The following ZNF138 variants were observed in gnomAD, a reference collection of about 807,000 sequenced individuals.
ZNF138 encodes zinc finger protein 138 (clone pHZ-32).
A neutral mutation model predicts 33.0 loss-of-function variants in ZNF138; 33 were observed. That is an observed-to-expected ratio of 1.00 (90% CI 0.76 to 1.34). ZNF138 has a LOEUF of 1.34. ZNF138 is among the 40% of genes most tolerant of loss of function. The probability of loss-of-function intolerance (pLI) is 0.00; values close to 1 mark genes in which losing one functional copy is unlikely to be tolerated. For synonymous variants in ZNF138, 139 were observed against 120.4 expected, an observed-to-expected ratio of 1.15 and a Z score of -1.01; for missense variants, 360 against 370.8, an observed-to-expected ratio of 0.97 and a Z score of 0.24.
the ZNF138 span, among the ~76,000 whole-genome samples, chr7:64,853,716 A>G: frequency 6.6e-6 from 1 of 151,742 alleles, no homozygotes. Context: ...GCATATACAT[A>G]TCATATTAAT....
chr7:64,838,961 GA>G, the ZNF138 span, among the ~76,000 whole-genome samples: 1 of 152,114 alleles, frequency 6.6e-6, no homozygotes. Context: ...GAGAGACTAA[GA>G]TGGGGGCCGT....
At chr7:64,803,259 T>TTTTTG (rs1787298836) in intron 1 of ZNF138, among the ~76,000 whole-genome samples, 3 of 50,934 alleles carry the variant, frequency 5.9e-5, no homozygotes, top group Non-Finnish European at 1.5e-4. Context: ...TTGGCAAAGG[T>TTTTTG]TTTTTTTTTT....
intron 1 of ZNF138, among the ~76,000 whole-genome samples, chr7:64,813,534 C>T (rs1296764842): frequency 2.0e-5 from 3 of 151,354 alleles, no homozygotes; most frequent in Non-Finnish European, 4.4e-5. Context: ...CCCGGGTTGA[C>T]GCCATTCTCC....
chr7:64,821,077 T>G (rs1343270688), intron 3 of ZNF138, among the ~76,000 whole-genome samples: 1 of 150,378 alleles, frequency 6.6e-6, no homozygotes, highest in Admixed American at 6.6e-5. Context: ...TTTGTTTTGT[T>G]TTTTGTTTGT....
the ZNF138 span, among the ~76,000 whole-genome samples, chr7:64,840,825 A>G: frequency 6.6e-6 from 1 of 152,142 alleles, no homozygotes; most frequent in Non-Finnish European, 1.5e-5. Flanking sequence ...CTATGCACGT[A>G]TGTTACTCTA....
chr7:64,821,410 A>G (rs1308116474), intron 3 of ZNF138, among the ~76,000 whole-genome samples: 2 of 151,140 alleles, frequency 1.3e-5, no homozygotes, highest in East Asian at 1.9e-4. Context: ...TTTTTATTGT[A>G]ATTATTATGC....
rs762789627 is a variant in ZNF138 at position 64,814,934 on chromosome 7, T to C, written c.20T>C (p.Met7Thr). MGPLTFMDVAIEFSLEE... is the reference protein window; with the variant it reads MGPLTFTDVAIEFSLEE... ...GTTTTTCAGGGACCACTGACATTTA[T>C]GGATGTGGCCATAGAGTTCTCTTTG... The change falls in exon 2 of 4, where the codon ATG becomes ACG. Residue 7 changes from methionine to threonine, a missense_variant. Coordinates refer to ENST00000307355, the MANE Select transcript of ZNF138 (RefSeq NM_001271639.2). 7.4e-5 allele frequency: 119 copies of C among 1,613,072 alleles called. No individual in the cohort carries two copies. Among genetic ancestry groups the C allele is most frequent in the Non-Finnish European group, 8.8e-5 (104 of 1,179,424 alleles).
the ZNF138 span, among the ~76,000 whole-genome samples, chr7:64,848,940 G>T: frequency 2.0e-5 from 3 of 152,004 alleles, no homozygotes; most frequent in African/African-American, 7.2e-5. Flanking sequence ...TCCTGACCTC[G>T]TGATCTGCCC....
the ZNF138 span, chr7:64,853,333 T>G: frequency 1.3e-6 from 2 of 1,596,052 alleles, no homozygotes; most frequent in Non-Finnish European, 1.7e-6. Context: ...CTTTCCGGGT[T>G]AAAGGACTCC....
chr7:64,839,037 T>C, the ZNF138 span, among the ~76,000 whole-genome samples: 150,013 of 152,236 alleles, frequency 0.99, 73,952 homozygotes, highest in East Asian at 1. Flanking sequence ...GAGGGACTTG[T>C]GCCAGCGAAA....
the ZNF138 span, among the ~76,000 whole-genome samples, chr7:64,839,461 G>A: frequency 3.3e-5 from 5 of 152,110 alleles, no homozygotes; most frequent in Non-Finnish European, 2.9e-5. Context: ...AGACGTCTCT[G>A]AGTCGTCAAT....
chr7:64,799,239 T>C (rs1786948915), intron 1 of ZNF138, among the ~76,000 whole-genome samples: 1 of 152,066 alleles, frequency 6.6e-6, no homozygotes, highest in Non-Finnish European at 1.5e-5. Flanking sequence ...CGATCTCGGC[T>C]CACCGCAACC....
At position 64,832,751 on chromosome 7, in the gene ZNF138, C is replaced by A; in HGVS notation, c.*549C>A. The A allele has an allele frequency of 2.2e-6, 1 of 455,186 alleles. No individual in the cohort carries two copies. The highest frequency in any genetic ancestry group is 1.7e-5 in the South Asian group (1 of 58,464). The allele number at this position is 455,186 out of a possible 1,614,324, so 28.2% of individuals were successfully genotyped here. ...TCATTCATACTGGAGAGAAACCTTA[C>A]AAATGTGAGGAATGTGGCAAAGGTT... is the stretch of plus-strand genomic sequence containing the variant. On this transcript the variant is annotated 3_prime_UTR_variant, in exon 4 of 4. Transcript: ENST00000307355.
intron 1 of ZNF138, among the ~76,000 whole-genome samples, chr7:64,807,675 A>G (rs1787721149): frequency 6.6e-6 from 1 of 152,220 alleles, no homozygotes; most frequent in African/African-American, 2.4e-5. Context: ...ATGTACAGAA[A>G]ACCAACAGGA....
At chr7:64,799,416 G>C (rs1471798797) in intron 1 of ZNF138, among the ~76,000 whole-genome samples, 1 of 152,074 alleles carries the variant, frequency 6.6e-6, no homozygotes, top group African/African-American at 2.4e-5. Flanking sequence ...GCCCGCCTCT[G>C]CCTCCCAAAG....
At chr7:64,825,022 A>AT (rs1022603318) in intron 3 of ZNF138, among the ~76,000 whole-genome samples, 2 of 151,070 alleles carry the variant, frequency 1.3e-5, no homozygotes, top group African/African-American at 4.9e-5. Flanking sequence ...TTGTATTTTA[A>AT]TTTTTTTAGT....
the ZNF138 span, chr7:64,852,381 A>G: frequency 3.6e-5 from 52 of 1,462,856 alleles, 1 homozygote; most frequent in Non-Finnish European, 4.6e-5. Context: ...CCAAACAGCT[A>G]TTTCTGCTTA....
the ZNF138 span, among the ~76,000 whole-genome samples, chr7:64,858,276 T>C: frequency 6.6e-6 from 1 of 152,228 alleles, no homozygotes; most frequent in Non-Finnish European, 1.5e-5. Flanking sequence ...CATTGACTAA[T>C]AGTGAGTGGA....
chr7:64,858,768 A>G, the ZNF138 span, among the ~76,000 whole-genome samples: 1 of 152,200 alleles, frequency 6.6e-6, no homozygotes, highest in Non-Finnish European at 1.5e-5. Context: ...GGCTTATTTT[A>G]CTTAGCATAA....
Sources: allele counts gnomAD v4.1 joint callset (sites outside exome capture counted in the v4.1 genomes callset), GRCh38; gene constraint gnomAD v4.1.1; transcripts MANE v1.5; gene names NCBI Gene and HGNC (gene_info 2026-07-23, HGNC 2026-07-21).